The following RANBP2 variants were observed in gnomAD, a reference collection of about 807,000 sequenced individuals.
RANBP2 encodes E3 SUMO-protein ligase RanBP2.
A neutral mutation model predicts 303.6 loss-of-function variants in RANBP2; 57 were observed. That is an observed-to-expected ratio of 0.19 (90% confidence interval 0.15 to 0.23). The LOEUF (loss-of-function observed/expected upper bound fraction) is 0.23, where lower values mean the gene tolerates loss of function less well. RANBP2 is among the 10% of genes least tolerant of loss of function. RANBP2 has a pLI of 1.00. For synonymous variants in RANBP2, 1,167 were observed against 1,301.5 expected, an observed-to-expected ratio of 0.90 and a Z score of 2.23; for missense variants, 3,138 against 3,780.8, an observed-to-expected ratio of 0.83 and a Z score of 4.46.
chr2:108,726,455 G>A (rs62151248), intron 1 of RANBP2, among the ~76,000 whole-genome samples: 3 of 145,216 alleles, frequency 2.1e-5, no homozygotes, highest in African/African-American at 5.1e-5. Flanking sequence ...TTTTTTTTTG[G>A]CTTAAACAAC....
the RANBP2 span, chr2:109,732,665 T>C: frequency 1.8e-6 from 1 of 552,146 alleles, no homozygotes. Flanking sequence ...GAACCGGGTT[T>C]CATCATGTTG....
chr2:109,307,700 T>A, the RANBP2 span, among the ~76,000 whole-genome samples: 140 of 148,322 alleles, frequency 9.4e-4, no homozygotes, highest in African/African-American at 3.4e-3. Context: ...TGCGATAGTT[T>A]ACTGAGAATG....
chr2:109,604,161 C>CA, the RANBP2 span, among the ~76,000 whole-genome samples: 10,577 of 58,460 alleles, frequency 0.18, 1,062 homozygotes, highest in African/African-American at 0.26. Context: ...GACTCTGCCT[C>CA]AAAAAAAAAA....
the RANBP2 span, among the ~76,000 whole-genome samples, chr2:109,409,148 C>T: frequency 1.2e-4 from 18 of 152,312 alleles, no homozygotes; most frequent in East Asian, 2.1e-3. Context: ...TTGATCCATT[C>T]GCCTTAGTAA....
At chr2:108,825,735 G>C in the RANBP2 span, among the ~76,000 whole-genome samples, 347 of 152,240 alleles carry the variant, frequency 2.3e-3, 1 homozygote, top group Middle Eastern at 6.8e-3. Flanking sequence ...TTTGTTGGCT[G>C]TTATGAATGG....
the RANBP2 span, among the ~76,000 whole-genome samples, chr2:109,165,128 A>G: frequency 0.82 from 124,990 of 152,092 alleles, 51,497 homozygotes; most frequent in East Asian, 0.89. Context: ...CCCCTCCTTT[A>G]GTAAGGACAA....
the RANBP2 span, chr2:108,896,891 C>A: frequency 6.2e-7 from 1 of 1,605,624 alleles, no homozygotes. Flanking sequence ...GGGAGGACAG[C>A]CCACAGGCAT....
At chr2:109,317,449 C>A in the RANBP2 span, among the ~76,000 whole-genome samples, 97 of 152,112 alleles carry the variant, frequency 6.4e-4, no homozygotes, top group Non-Finnish European at 9.4e-4. Flanking sequence ...GCTGGGGAGG[C>A]CCAGCCCCCC....
the RANBP2 span, among the ~76,000 whole-genome samples, chr2:109,647,545 T>C: frequency 6.6e-6 from 1 of 151,986 alleles, no homozygotes; most frequent in African/African-American, 2.4e-5. Context: ...CTCGGCTCAC[T>C]GCAATCTCCG....
the RANBP2 span, among the ~76,000 whole-genome samples, chr2:108,971,847 GA>G: frequency 2.0e-5 from 3 of 152,154 alleles, no homozygotes; most frequent in Non-Finnish European, 4.4e-5. Flanking sequence ...CTAGCCAACA[GA>G]AAAAAGGGCA....
At chr2:109,170,597 G>A in the RANBP2 span, among the ~76,000 whole-genome samples, 23 of 152,124 alleles carry the variant, frequency 1.5e-4, no homozygotes, top group East Asian at 1.9e-3. Context: ...TGATCCACCC[G>A]CCTCGGCCAC....
chr2:109,040,644 T>G, the RANBP2 span, among the ~76,000 whole-genome samples: 1 of 152,200 alleles, frequency 6.6e-6, no homozygotes, highest in Non-Finnish European at 1.5e-5. Flanking sequence ...ACTAGTGACT[T>G]AACTTTCTGT....
the RANBP2 span, among the ~76,000 whole-genome samples, chr2:109,167,528 T>C: frequency 6.6e-6 from 1 of 152,156 alleles, no homozygotes; most frequent in Non-Finnish European, 1.5e-5. Context: ...TCATCCCCCA[T>C]TGGTATTGTT....
At chr2:109,535,069 G>C in the RANBP2 span, among the ~76,000 whole-genome samples, 1 of 152,242 alleles carries the variant, frequency 6.6e-6, no homozygotes, top group African/African-American at 2.4e-5. Flanking sequence ...ATTTCTTTCA[G>C]AACCCAGATG....
At chr2:109,207,165 G>A in the RANBP2 span, among the ~76,000 whole-genome samples, 1 of 152,208 alleles carries the variant, frequency 6.6e-6, no homozygotes, top group African/African-American at 2.4e-5. Context: ...TGACGACACA[G>A]TGCCACATTT....
the RANBP2 span, among the ~76,000 whole-genome samples, chr2:109,344,038 C>T: frequency 1.3e-5 from 2 of 152,182 alleles, no homozygotes; most frequent in Non-Finnish European, 2.9e-5. Context: ...GCCACCATAC[C>T]CGTCCCCAGA....
chr2:109,269,709 G>T, the RANBP2 span, among the ~76,000 whole-genome samples: 1 of 152,232 alleles, frequency 6.6e-6, no homozygotes, highest in African/African-American at 2.4e-5. Flanking sequence ...AACCAAGGAG[G>T]TGGAGGTTGC....
the RANBP2 span, among the ~76,000 whole-genome samples, chr2:108,819,509 T>C: frequency 6.6e-6 from 1 of 152,150 alleles, no homozygotes; most frequent in Non-Finnish European, 1.5e-5. Context: ...GCTGCGGAGA[T>C]CTGCACTTCT....
chr2:108,976,184 T>TTA, the RANBP2 span, among the ~76,000 whole-genome samples: 18 of 152,324 alleles, frequency 1.2e-4, no homozygotes, highest in African/African-American at 4.1e-4. Context: ...TCACACATCC[T>TTA]TAGGCTCTTC....
Sources: gnomAD v4.1 joint callset for allele counts (sites outside exome capture counted in the v4.1 genomes callset) on GRCh38, gnomAD v4.1.1 for gene constraint, MANE v1.5 for transcripts, NCBI Gene and HGNC (gene_info 2026-07-23, HGNC 2026-07-21) for gene names.